The following NEK11 variants were observed in gnomAD, a reference collection of about 807,000 sequenced individuals.
The protein encoded by NEK11 is serine/threonine-protein kinase Nek11.
A neutral mutation model predicts 80.7 loss-of-function variants in NEK11; 72 were observed. The observed-to-expected ratio is 0.89, with a 90% CI of 0.74 to 1.08. The LOEUF (loss-of-function observed/expected upper bound fraction) is 1.08, where lower values mean the gene tolerates loss of function less well. NEK11 is among the 50% of genes least tolerant of loss of function. NEK11 has a pLI of 0.00. For missense variants in NEK11, 764 were observed against 763.6 expected, an observed-to-expected ratio of 1.00 and a Z score of -0.01; for synonymous variants, 251 against 260.7, an observed-to-expected ratio of 0.96 and a Z score of 0.36.
chr3:131,144,163 G>A (rs979209116), intron 7 of NEK11, among the ~76,000 whole-genome samples: 6 of 151,998 alleles, frequency 3.9e-5, no homozygotes, highest in Non-Finnish European at 5.9e-5. Flanking sequence ...CAGTAGTTCC[G>A]GACAAGTTGT....
chr3:131,158,280 CA>C (rs2091024277), intron 10 of NEK11, among the ~76,000 whole-genome samples: 1 of 152,160 alleles, frequency 6.6e-6, no homozygotes, highest in African/African-American at 2.4e-5. Flanking sequence ...CTCAGGCTCA[CA>C]GCCACCACCC....
At chr3:131,285,451 C>T (rs1487658074) in intron 17 of NEK11, among the ~76,000 whole-genome samples, 5 of 152,170 alleles carry the variant, frequency 3.3e-5, no homozygotes, top group African/African-American at 1.2e-4. Flanking sequence ...GGGCATGAGC[C>T]CTGATGAGGC....
intron 17 of NEK11, among the ~76,000 whole-genome samples, chr3:131,275,559 C>T (rs1267534246): frequency 6.6e-6 from 1 of 152,068 alleles, no homozygotes; most frequent in Non-Finnish European, 1.5e-5. Flanking sequence ...TTGGGTTACT[C>T]CCCCATGGAT....
At chr3:131,282,485 TG>T (rs1402730717) in intron 17 of NEK11, among the ~76,000 whole-genome samples, 1 of 152,216 alleles carries the variant, frequency 6.6e-6, no homozygotes, top group Non-Finnish European at 1.5e-5. Flanking sequence ...AACAGGTTTC[TG>T]TATTTTTGCA....
At chr3:131,055,187 A>G (rs1273185814) in intron 3 of NEK11, among the ~76,000 whole-genome samples, 1 of 152,240 alleles carries the variant, frequency 6.6e-6, no homozygotes. Flanking sequence ...TATATCAGCC[A>G]AGTGCTTAAT....
At chr3:131,213,544 G>A (rs929757359) in intron 14 of NEK11, among the ~76,000 whole-genome samples, 3 of 152,122 alleles carry the variant, frequency 2.0e-5, no homozygotes, top group African/African-American at 7.2e-5. Flanking sequence ...AAGAGAGGAG[G>A]GAGAGGCCGC....
intron 3 of NEK11, among the ~76,000 whole-genome samples, chr3:131,034,935 T>C (rs543414110): frequency 3.9e-4 from 59 of 152,348 alleles, no homozygotes; most frequent in Non-Finnish European, 4.0e-4. Flanking sequence ...ATCTAACTTA[T>C]GTGTATTTTC....
chr3:131,195,583 T>C (rs1214361920), intron 14 of NEK11, among the ~76,000 whole-genome samples: 3 of 151,982 alleles, frequency 2.0e-5, no homozygotes, highest in Non-Finnish European at 4.4e-5. Context: ...TCATGTGTTA[T>C]TCTTATATTA....
At chr3:131,206,782 C>G (rs1294778914) in intron 14 of NEK11, among the ~76,000 whole-genome samples, 1 of 152,146 alleles carries the variant, frequency 6.6e-6, no homozygotes, top group East Asian at 1.9e-4. Flanking sequence ...AAGCTGCACC[C>G]ATTAAGTCAT....
Position 131,132,664 on chromosome 3 carries a change from G to A in NEK11, c.456-81G>A, listed in dbSNP as rs79775903. 1.1e-3 allele frequency: 767 copies of A among 711,818 alleles called. 2 individuals carry two copies. In the African/African-American group the frequency reaches 0.013, roughly 12 times the overall value. The allele number at this position is 711,818 out of a possible 1,614,324, so 44.1% of individuals were successfully genotyped here. A position where few individuals can be genotyped will look rare whatever the true frequency, so the allele number is the denominator to read the frequency against. ...GTATATATTTATGTGTAAATCATGT[G>A]CAACAACATATATTATTTACATGGG... On this transcript the variant is annotated intron_variant, in intron 5 of 17. Coordinates refer to ENST00000383366, the MANE Select transcript of NEK11 (RefSeq NM_024800.5).
chr3:131,240,798 G>A (rs2108058265), intron 15 of NEK11, among the ~76,000 whole-genome samples: 1 of 152,188 alleles, frequency 6.6e-6, no homozygotes, highest in Admixed American at 6.5e-5. Context: ...CTTTCGTTAT[G>A]ACTAGCTCTA....
chr3:131,259,540 A>G (rs2095875046), intron 16 of NEK11, among the ~76,000 whole-genome samples: 1 of 152,160 alleles, frequency 6.6e-6, no homozygotes, highest in South Asian at 2.1e-4. Flanking sequence ...CAGGACTTTT[A>G]TGCATGAGTG....
intron 5 of NEK11, among the ~76,000 whole-genome samples, chr3:131,124,840 G>A (rs2083022053): frequency 6.6e-6 from 1 of 152,206 alleles, no homozygotes; most frequent in African/African-American, 2.4e-5. Flanking sequence ...TGTGAGAATA[G>A]TGGTTTATAG....
At chr3:131,034,799 C>T (rs934624387) in intron 3 of NEK11, among the ~76,000 whole-genome samples, 1 of 152,230 alleles carries the variant, frequency 6.6e-6, no homozygotes, top group East Asian at 1.9e-4. Context: ...TATATCAACA[C>T]ACATAAAACA....
At chr3:131,278,398 A>G (rs2096337227) in intron 17 of NEK11, among the ~76,000 whole-genome samples, 1 of 152,164 alleles carries the variant, frequency 6.6e-6, no homozygotes, top group African/African-American at 2.4e-5. Flanking sequence ...CTATTCATGT[A>G]TGGATAGATA....
chr3:131,343,480 G>A (rs1198620961), intron 17 of NEK11, among the ~76,000 whole-genome samples: 1 of 152,212 alleles, frequency 6.6e-6, no homozygotes, highest in East Asian at 1.9e-4. Context: ...GAGAAAACAG[G>A]TGAAGTCATT....
chr3:131,066,224 T>C (rs1051550396), intron 3 of NEK11, among the ~76,000 whole-genome samples: 5 of 152,226 alleles, frequency 3.3e-5, no homozygotes, highest in Non-Finnish European at 7.3e-5. Context: ...TGGCCGCTGC[T>C]TTATATTTTA....
chr3:131,191,321 C>T (rs2093785338), intron 14 of NEK11, among the ~76,000 whole-genome samples: 1 of 152,132 alleles, frequency 6.6e-6, no homozygotes, highest in African/African-American at 2.4e-5. Context: ...GGCCTGCATT[C>T]CTTCTGGAGG....
At chr3:131,085,597 A>T (rs2075870135) in intron 4 of NEK11, among the ~76,000 whole-genome samples, 1 of 152,164 alleles carries the variant, frequency 6.6e-6, no homozygotes, top group South Asian at 2.1e-4. Flanking sequence ...GCAGTACGGG[A>T]AAGATTAGGC....
Sources: allele counts gnomAD v4.1 joint callset (sites outside exome capture counted in the v4.1 genomes callset), GRCh38; gene constraint gnomAD v4.1.1; transcripts MANE v1.5; gene names NCBI Gene and HGNC (gene_info 2026-07-23, HGNC 2026-07-21).